STRN3: variants seen among roughly 807,000 people sequenced by gnomAD.
STRN3 encodes the protein striatin-3.
In STRN3, 29 loss-of-function variants were observed where a neutral mutation model predicts 95.6. The observed-to-expected ratio is 0.30, with a 90% confidence interval of 0.23 to 0.41. The LOEUF is 0.41. Among genes scored for constraint, STRN3 ranks in the 10% least tolerant of loss-of-function variants. The pLI is 1.00. For missense variants in STRN3, 890 were observed against 972.1 expected (o/e 0.92, Z 1.12); for synonymous variants, 331 against 357.6 (o/e 0.93, Z 0.84).
At position 30,895,007 on chromosome 14, in the gene STRN3, C is replaced by T. The variant is rs1896093601; in HGVS notation, c.*404G>A. ...AGCTACTCTTGGAGCTCACTTCCCCCAACAAGAGCACCACATTCCTAACCC... is the reference window on the plus strand; with the variant it reads ...AGCTACTCTTGGAGCTCACTTCCCCTAACAAGAGCACCACATTCCTAACCC... On this transcript the variant is annotated 3_prime_UTR_variant, in exon 18 of 18. Transcript: ENST00000357479. The T allele has an allele frequency of 2.3e-6, 1 of 441,746 alleles. No individual in the cohort carries two copies. The highest frequency in any genetic ancestry group is 7.6e-5 in the Admixed American group (1 of 13,078). The allele number at this position is 441,746 out of a possible 1,614,324, so 27.4% of individuals were successfully genotyped here.
At chr14:30,986,483 T>G (rs1881700175) in intron 1 of STRN3, among the ~76,000 whole-genome samples, 1 of 152,160 alleles carries the variant, frequency 6.6e-6, no homozygotes, top group African/African-American at 2.4e-5. Flanking sequence ...AAGGACATAT[T>G]TGCAAATAAG....
chr14:31,005,921 C>G (rs1319203905), intron 1 of STRN3, among the ~76,000 whole-genome samples: 1 of 152,008 alleles, frequency 6.6e-6, no homozygotes, highest in Non-Finnish European at 1.5e-5. Context: ...AGTTCAAGAG[C>G]AGCCTGGCCA....
intron 1 of STRN3, among the ~76,000 whole-genome samples, chr14:31,013,892 T>TATTATTATTTGAGACAGAGTGTC (rs1555327149): frequency 6.9e-5 from 10 of 145,362 alleles, no homozygotes; most frequent in Non-Finnish European, 1.2e-4. Flanking sequence ...TTATTATTAT[T>TATTATTATTTGAGACAGAGTGTC]ATTATTATTA....
At chr14:30,913,761 T>C (rs1394263447) in intron 9 of STRN3, 104 bp from the exon 10 acceptor site, 1 of 1,308,260 alleles carries the variant, frequency 7.6e-7, no homozygotes, top group Non-Finnish European at 1.0e-6. Flanking sequence ...TTCAGTAATA[T>C]AATTAATTTT....
In STRN3 at chr14:30,895,053, CAAAAAAA is replaced by C. The variant is rs35858438; in HGVS notation, c.*351_*357del. 3 of 26,562 alleles carry C rather than the reference CAAAAAAA, an allele frequency of 1.1e-4. No individual in the cohort carries two copies. The highest frequency in any genetic ancestry group is 1.7e-4 in the Non-Finnish European group (3 of 17,384). The allele number at this position is 26,562 out of a possible 1,614,324, so 1.6% of individuals were successfully genotyped here. A position where few individuals can be genotyped will look rare whatever the true frequency, so the allele number is the denominator to read the frequency against. On this transcript the variant is annotated 3_prime_UTR_variant, in exon 18 of 18. Transcript: ENST00000357479. ...AACCCCTAAGGCAGCACACAGAGTC[CAAAAAAA>C]AAAAAAAAAAAAAAAAAAAGAAGAA...
At chr14:30,936,413 A>T in intron 6 of STRN3, 82 bp downstream of exon 6, 1 of 1,456,640 alleles carries the variant, frequency 6.9e-7, no homozygotes, top group Non-Finnish European at 9.2e-7. Context: ...AATCACTCCC[A>T]ATGTAACTTA....
rs754720649 is a variant in STRN3, at chr14:30,919,100, T to C, written c.1106A>G (p.Asn369Ser). ...TATCATGTCGTAGAGTTTTGTCCTG[T>C]TGGCCCCTGTAAATTAATGTCAGCA... ...RKGKKGVKRANRTKLYDMIAD... is the reference protein window; with the variant it reads ...RKGKKGVKRASRTKLYDMIAD... Residue 369 changes from asparagine (N) to serine (S), a missense_variant, in exon 9 of 18, where the codon AAC becomes AGC. Transcript: ENST00000357479. 8 of 1,601,234 alleles carry C rather than the reference T, an allele frequency of 5.0e-6. No individual in the cohort carries two copies. The South Asian group carries it at 9.0e-5, about 18-fold the overall frequency.
At chr14:30,942,260 C>A (rs1879130516) in intron 5 of STRN3, among the ~76,000 whole-genome samples, 1 of 152,140 alleles carries the variant, frequency 6.6e-6, no homozygotes, top group African/African-American at 2.4e-5. Flanking sequence ...AAGCCCTTCA[C>A]TGTCCTTTAG....
At chr14:30,988,459 C>A (rs1881798982) in intron 1 of STRN3, among the ~76,000 whole-genome samples, 2 of 152,264 alleles carry the variant, frequency 1.3e-5, no homozygotes, top group East Asian at 3.9e-4. Flanking sequence ...ACTCAACGAA[C>A]ATATACAATA....
At chr14:30,956,069 A>G (rs1879887283) in intron 2 of STRN3, 70 bp downstream of exon 2, 1 of 1,328,600 alleles carries the variant, frequency 7.5e-7, no homozygotes, top group African/African-American at 1.5e-5. Flanking sequence ...TGCCAAATAC[A>G]GAGTACAATG....
At chr14:30,997,169 C>G (rs747571592) in intron 1 of STRN3, among the ~76,000 whole-genome samples, 1 of 152,008 alleles carries the variant, frequency 6.6e-6, no homozygotes, top group Non-Finnish European at 1.5e-5. Context: ...TAAATTAAGG[C>G]CTGCATGGAA....
chr14:30,913,638 T>C lies in STRN3; in HGVS notation c.1260A>G (p.Pro420=). 6.2e-7 allele frequency: 1 copy of C among 1,613,806 alleles called. No homozygotes were observed. Among genetic ancestry groups the C allele is most frequent in the African/African-American group, 1.3e-5 (1 of 75,052 alleles). Residue 420 remains proline, a synonymous_variant, in exon 10 of 18, where the codon CCA becomes CCG. Transcript: ENST00000357479. ...TAATAAATGACTTGCCTCCTCCAGA[T>C]GGAAACGTTATTGGTTCAGCTATAA... ...RAEEAEPITF[P]SGGGKSFIMG...
Position 30,902,548 on chromosome 14 carries a change from CA to C in STRN3, c.2124del (p.Phe708LeufsTer8). On this transcript the variant is annotated frameshift_variant, in exon 16 of 18. Transcript: ENST00000357479. LOFTEE classifies it high-confidence loss of function. The part of the protein sequence containing the change: ...TAHEDRHIKF[F>X]DNKTGKMIHS... ...ACAATTTGCTTACCCGTTTTATTGT[CA>C]AAAAATTTGATGTGTCTATCTTCAT... 2 of 1,594,104 alleles carry C rather than the reference CA, an allele frequency of 1.3e-6. No homozygotes were observed. Among genetic ancestry groups the C allele is most frequent in the Non-Finnish European group, 1.7e-6 (2 of 1,172,300 alleles).
chr14:30,975,847 A>G (rs1881077127), intron 1 of STRN3, among the ~76,000 whole-genome samples: 1 of 151,018 alleles, frequency 6.6e-6, no homozygotes. Flanking sequence ...AAAAAAAAAA[A>G]AAAAAAAAAA....
chr14:30,901,614 T>C (rs1329467240), intron 16 of STRN3, among the ~76,000 whole-genome samples: 1 of 152,180 alleles, frequency 6.6e-6, no homozygotes, highest in African/African-American at 2.4e-5. Flanking sequence ...CTCCTCAAAG[T>C]AGCCTTCCTA....
chr14:30,918,881 A>G (rs577781551), intron 9 of STRN3, 85 bp downstream of exon 9: 23 of 1,306,466 alleles, frequency 1.8e-5, no homozygotes, highest in Admixed American at 1.1e-4. Flanking sequence ...TCAGCATTTT[A>G]TAACAGTAGC....
At chr14:30,947,681 G>A (rs1422840059) in intron 4 of STRN3, among the ~76,000 whole-genome samples, 1 of 151,932 alleles carries the variant, frequency 6.6e-6, no homozygotes, top group Non-Finnish European at 1.5e-5. Flanking sequence ...CTGCATCTTA[G>A]CACACAGACA....
At chr14:30,899,405 T>C (rs913072905) in intron 16 of STRN3, among the ~76,000 whole-genome samples, 39 of 152,234 alleles carry the variant, frequency 2.6e-4, no homozygotes, top group African/African-American at 9.4e-4. Context: ...ATCTATCATA[T>C]AGTGCAAAAT....
intron 1 of STRN3, among the ~76,000 whole-genome samples, chr14:30,997,947 C>T (rs941373079): frequency 4.6e-5 from 7 of 152,250 alleles, no homozygotes; most frequent in Middle Eastern, 3.4e-3. Context: ...TGTGGCAATC[C>T]GGGGAGTGTC....
Sources: gnomAD v4.1 joint callset for allele counts (sites outside exome capture counted in the v4.1 genomes callset) on GRCh38, gnomAD v4.1.1 for gene constraint, MANE v1.5 for transcripts, NCBI Gene and HGNC (gene_info 2026-07-23, HGNC 2026-07-21) for gene names.